The following CAMTA1 variants were observed in gnomAD, a reference collection of about 807,000 sequenced individuals.
CAMTA1 encodes calmodulin binding transcription activator 1.
In CAMTA1, 27 loss-of-function variants were observed where a neutral mutation model predicts 170.9. The observed-to-expected ratio is 0.16, with a 90% confidence interval of 0.12 to 0.22. CAMTA1 has a LOEUF of 0.22. CAMTA1 is among the 10% of genes least tolerant of loss of function. The pLI, the probability that CAMTA1 is intolerant of heterozygous loss-of-function variation, is 1.00. For synonymous variants in CAMTA1, 833 were observed against 891.5 expected (o/e 0.93, Z 1.17); for missense variants, 1,619 against 2,217.2 (o/e 0.73, Z 5.42).
chr1:7,409,283 AAT>A (rs2090533107), intron 5 of CAMTA1, among the ~76,000 whole-genome samples: 1 of 152,200 alleles, frequency 6.6e-6, no homozygotes, highest in Non-Finnish European at 1.5e-5. Flanking sequence ...TGATTGTCCG[AAT>A]ACTTCTTCTT....
chr1:7,365,279 T>C (rs890714220), intron 5 of CAMTA1, among the ~76,000 whole-genome samples: 50 of 152,236 alleles, frequency 3.3e-4, no homozygotes, highest in African/African-American at 1.1e-3. Flanking sequence ...CATTCAGGCA[T>C]CAGAAAATCA....
intron 3 of CAMTA1, among the ~76,000 whole-genome samples, chr1:6,861,766 A>C (rs958479064): frequency 1.4e-4 from 21 of 152,180 alleles, no homozygotes; most frequent in African/African-American, 5.1e-4. Flanking sequence ...CCATTTAAAC[A>C]TTCACATTGC....
chr1:7,375,362 G>A (rs1454733550), intron 5 of CAMTA1, among the ~76,000 whole-genome samples: 1 of 152,086 alleles, frequency 6.6e-6, no homozygotes, highest in African/African-American at 2.4e-5. Context: ...AACCACCATT[G>A]GCCACACCCT....
At position 7,641,951 on chromosome 1, in the gene CAMTA1, C is replaced by A. The variant is rs758609807; in HGVS notation, c.664+1398C>A. Among the ~76,000 whole-genome samples, 18 of 152,104 alleles carry A rather than the reference C, an allele frequency of 1.2e-4. No homozygotes were observed. The highest frequency in any genetic ancestry group is 7.4e-5 in the Non-Finnish European group (5 of 68,010). On this transcript the variant is annotated intron_variant, in intron 7 of 22. Coordinates refer to ENST00000303635, the MANE Select transcript of CAMTA1 (RefSeq NM_015215.4). This position sits in a 1 kb window ranked among gnomAD's most constrained non-coding sequence, Gnocchi z 4.5. ...TCCTGAGCACAGCCTGCAGCCCCCC[C>A]ACCCGCAGCCCCCGGCCTCTGCAGG... is the stretch of plus-strand genomic sequence containing the variant.
intron 5 of CAMTA1, among the ~76,000 whole-genome samples, chr1:7,465,474 G>A (rs367673800): frequency 2.9e-5 from 4 of 136,308 alleles, no homozygotes; most frequent in Non-Finnish European, 3.2e-5. Context: ...CAGGGACCAC[G>A]CTTCTCATCC....
intron 3 of CAMTA1, among the ~76,000 whole-genome samples, chr1:6,894,982 G>C (rs1173763459): frequency 6.6e-6 from 1 of 152,196 alleles, no homozygotes; most frequent in African/African-American, 2.4e-5. Flanking sequence ...TTTCAGTAGG[G>C]AGGGCGAGGT....
intron 6 of CAMTA1, among the ~76,000 whole-genome samples, chr1:7,601,546 G>A (rs1372592601): frequency 1.3e-4 from 20 of 152,206 alleles, no homozygotes; most frequent in African/African-American, 3.4e-4. Flanking sequence ...GGTGGCGGCC[G>A]GGCAGAGGCT....
At chr1:7,402,599 G>A (rs962646206) in intron 5 of CAMTA1, among the ~76,000 whole-genome samples, 5 of 152,150 alleles carry the variant, frequency 3.3e-5, no homozygotes, top group African/African-American at 4.8e-5. Flanking sequence ...GTAAAGCCAC[G>A]CTATGCTCAG....
At chr1:7,620,355 AGGCTGAGAAACCTCATGG>A (rs944214851) in intron 6 of CAMTA1, among the ~76,000 whole-genome samples, 31 of 152,286 alleles carry the variant, frequency 2.0e-4, no homozygotes, top group South Asian at 1.5e-3. Context: ...TACAGTTGTG[AGGCTGAGAAACCTCATGG>A]AAGCCTGGCT....
intron 4 of CAMTA1, among the ~76,000 whole-genome samples, chr1:7,245,176 AAG>A (rs1297033094): frequency 1.1e-5 from 1 of 93,984 alleles, no homozygotes; most frequent in African/African-American, 5.9e-5. Context: ...TTATTTAGCC[AAG>A]ATATATATAT....
At chr1:7,436,779 G>A (rs779371932) in intron 5 of CAMTA1, among the ~76,000 whole-genome samples, 3 of 152,210 alleles carry the variant, frequency 2.0e-5, no homozygotes, top group South Asian at 2.1e-4. Context: ...CCCTGGGAAC[G>A]GCAGTGGGGC....
chr1:7,012,268 C>G (rs573477284), intron 3 of CAMTA1, among the ~76,000 whole-genome samples: 1 of 152,254 alleles, frequency 6.6e-6, no homozygotes, highest in East Asian at 1.9e-4. Flanking sequence ...ACACTCCTCC[C>G]GCCCTCTCTC....
rs1195287589 is a variant in CAMTA1 at position 6,973,562 on chromosome 1, T to C, written c.235-117742T>C. ...TTAGGTGGTTTCCACGTTTGGGCTT[T>C]TGTGAATAGTGCTGCAGTGGGCACG... is the stretch of plus-strand genomic sequence containing the variant. On this transcript the variant is annotated intron_variant, in intron 3 of 22. Coordinates refer to ENST00000303635, the MANE Select transcript of CAMTA1 (RefSeq NM_015215.4). Among the ~76,000 whole-genome samples, 4 of 152,216 alleles carry C rather than the reference T, an allele frequency of 2.6e-5. No homozygotes were observed. In the East Asian group the frequency reaches 7.7e-4, roughly 29 times the overall value.
At chr1:7,198,604 C>G (rs1656027163) in intron 4 of CAMTA1, among the ~76,000 whole-genome samples, 1 of 152,090 alleles carries the variant, frequency 6.6e-6, no homozygotes, top group African/African-American at 2.4e-5. Flanking sequence ...ACTCATACCC[C>G]CTTGGCCACG....
chr1:7,326,381 T>C (rs553242645), intron 5 of CAMTA1, among the ~76,000 whole-genome samples: 2 of 152,266 alleles, frequency 1.3e-5, no homozygotes, highest in East Asian at 1.9e-4. Flanking sequence ...AGTTGAGAGA[T>C]TGAATTCTGT....
intron 3 of CAMTA1, among the ~76,000 whole-genome samples, chr1:6,868,906 A>T (rs954000510): frequency 6.6e-6 from 1 of 152,226 alleles, no homozygotes; most frequent in South Asian, 2.1e-4. Context: ...CTTGTATCCT[A>T]TGCAAGGTTT....
intron 4 of CAMTA1, among the ~76,000 whole-genome samples, chr1:7,091,776 G>A (rs909441795): frequency 3.8e-4 from 58 of 152,186 alleles, no homozygotes; most frequent in African/African-American, 1.4e-3. Context: ...CAAACTGAAA[G>A]TCAAGTTCTT....
chr1:6,795,402 C>T lies in CAMTA1; in HGVS notation c.45+9827C>T, dbSNP rs530669218. 5.7e-4 allele frequency among the ~76,000 whole-genome samples: 86 copies of T among 152,058 alleles called. 4 individuals carry two copies. In the South Asian group the frequency reaches 0.017, roughly 30 times the overall value. Reference sequence around the variant, plus strand: ...AGAGGTGGGGTCTTGCTGTATTGCCCAGGCTGGTCTTGAACTCCTGGTCTC... The same window carrying T: ...AGAGGTGGGGTCTTGCTGTATTGCCTAGGCTGGTCTTGAACTCCTGGTCTC... On this transcript the variant is annotated intron_variant, in intron 1 of 22. Transcript: ENST00000303635.
chr1:6,983,658 C>T (rs551514034), intron 3 of CAMTA1, among the ~76,000 whole-genome samples: 1 of 151,616 alleles, frequency 6.6e-6, no homozygotes, highest in Admixed American at 6.6e-5. Flanking sequence ...AGAGCAGGCA[C>T]TCAATAATTG....
Sources: allele counts gnomAD v4.1 joint callset (sites outside exome capture counted in the v4.1 genomes callset), GRCh38; gene constraint gnomAD v4.1.1; non-coding constraint Gnocchi (gnomAD v3.1); transcripts MANE v1.5; gene names NCBI Gene and HGNC (gene_info 2026-07-23, HGNC 2026-07-21).